The following SDSL variants were observed in gnomAD, a reference collection of about 807,000 sequenced individuals.
The protein encoded by SDSL is serine dehydratase like.
SDSL carries 26 observed loss-of-function variants against 27.6 expected under a neutral mutation model. The ratio of observed to expected loss-of-function variants is 0.94; its 90% CI spans 0.69 to 1.31. The LOEUF is 1.31. Ranked by LOEUF, SDSL falls within the 50% of genes most tolerant of loss-of-function variation. The probability of loss-of-function intolerance (pLI) is 0.00; values close to 1 mark genes in which losing one functional copy is unlikely to be tolerated. For synonymous variants in SDSL, 196 were observed against 180.6 expected, an observed-to-expected ratio of 1.09 and a Z score of -0.69; for missense variants, 431 against 423.5, an observed-to-expected ratio of 1.02 and a Z score of -0.16.
At chr12:113,437,800 C>A in intron 7 of SDSL, 86 bp from the exon 8 acceptor site, 1 of 1,220,588 alleles carries the variant, frequency 8.2e-7, no homozygotes, top group Non-Finnish European at 1.1e-6. Context: ...GAGATGGCTG[C>A]AAGGATCTGC....
chr12:113,435,650 C>A, intron 6 of SDSL, 94 bp downstream of exon 6: 1 of 1,046,378 alleles, frequency 9.6e-7, no homozygotes, highest in Non-Finnish European at 1.4e-6. Context: ...ACGGGGGCAC[C>A]CAAAAGGCTG....
At chr12:113,434,926 C>T (rs1192240514) in intron 5 of SDSL, among the ~76,000 whole-genome samples, 1 of 152,174 alleles carries the variant, frequency 6.6e-6, no homozygotes, top group East Asian at 1.9e-4. Context: ...GCCAACCTGG[C>T]CAACATGGCA....
chr12:113,432,269 T>TTTCTTTCTTTTTTTC (rs1565879182), intron 4 of SDSL, among the ~76,000 whole-genome samples: 16 of 142,276 alleles, frequency 1.1e-4, no homozygotes, highest in African/African-American at 3.8e-4. Context: ...TCTTTCTTTC[T>TTTCTTTCTTTTTTTC]TTCTTTCTTT....
chr12:113,435,285 G>C, intron 5 of SDSL, 44 bp from the exon 6 acceptor site: 1 of 1,375,586 alleles, frequency 7.3e-7, no homozygotes, highest in South Asian at 1.5e-5. Flanking sequence ...TCTGGGCTGG[G>C]GTCCTCCCTC....
At chr12:113,425,970 G>C in intron 1 of SDSL, 3 of 372,432 alleles carry the variant, frequency 8.1e-6, no homozygotes, top group South Asian at 5.9e-5. Flanking sequence ...GCCTGGGCAA[G>C]AGCGAGACTC....
chr12:113,428,519 C>A, intron 3 of SDSL, 60 bp downstream of exon 3: 2 of 1,485,900 alleles, frequency 1.3e-6, no homozygotes, highest in East Asian at 2.3e-5. Context: ...TAGGCTGGAG[C>A]GGCAGTACAC....
chr12:113,435,681 A>G, intron 6 of SDSL, 125 bp downstream of exon 6: 1 of 720,002 alleles, frequency 1.4e-6, no homozygotes, highest in Admixed American at 2.6e-5. Flanking sequence ...TGGGACTCCA[A>G]CCACAGTAAA....
rs548840415 is a variant in SDSL, at chr12:113,437,812, G to A, written c.797-74G>A. On this transcript the variant is annotated intron_variant, in intron 7 of 7. Transcript: ENST00000403593. ...GGAGAGATGGCTGCAAGGATCTGCC[G>A]TGCCCAGGGCCTGCTGAGCACCGAG... The A allele has an allele frequency of 1.7e-5, 23 of 1,353,930 alleles. No homozygotes were observed. In the East Asian group the frequency reaches 1.9e-4, roughly 11 times the overall value. 83.9% of individuals were successfully genotyped at this position (1,353,930 alleles called of 1,614,324 possible).
intron 3 of SDSL, 22 bp from the exon 4 acceptor site, chr12:113,429,138 C>A (rs1483980944): frequency 2.5e-6 from 4 of 1,604,320 alleles, no homozygotes; most frequent in Admixed American, 1.7e-5. Context: ...TGCCCACTGC[C>A]CCTTTCCTCC....
chr12:113,432,261 T>TTTCTTTTTTTC (rs1957936834), intron 4 of SDSL, among the ~76,000 whole-genome samples: 2 of 142,268 alleles, frequency 1.4e-5, no homozygotes, highest in African/African-American at 5.4e-5. Context: ...TCTTTCTTTC[T>TTTCTTTTTTTC]TTCTTTCTTT....
At chr12:113,425,539 A>T (rs1957836535) in intron 1 of SDSL, 1 of 389,544 alleles carries the variant, frequency 2.6e-6, no homozygotes, top group South Asian at 1.9e-5. Flanking sequence ...CCAATAATGG[A>T]ATGGTGGGGA....
At chr12:113,435,296 A>T in intron 5 of SDSL, 33 bp from the exon 6 acceptor site, 1 of 1,435,094 alleles carries the variant, frequency 7.0e-7, no homozygotes, top group Non-Finnish European at 9.3e-7. Flanking sequence ...GTCCTCCCTC[A>T]CTCTGCTTCT....
At chr12:113,434,342 A>G (rs1957965667) in intron 5 of SDSL, 120 bp downstream of exon 5, 1 of 725,502 alleles carries the variant, frequency 1.4e-6, no homozygotes, top group African/African-American at 1.8e-5. Context: ...CTTCAAAGCC[A>G]GGCAGACATG....
chr12:113,425,885 A>G (rs905760745), intron 1 of SDSL: 3 of 378,476 alleles, frequency 7.9e-6, no homozygotes, highest in Non-Finnish European at 1.6e-5. Flanking sequence ...GTTACTCGGG[A>G]GGCTGAGGCA....
intron 6 of SDSL, among the ~76,000 whole-genome samples, chr12:113,436,262 G>C (rs1242735171): frequency 6.6e-6 from 1 of 151,056 alleles, no homozygotes; most frequent in Non-Finnish European, 1.5e-5. Context: ...TTCCGAGTAA[G>C]ATCACATTTT....
intron 3 of SDSL, 35 bp from the exon 4 acceptor site, chr12:113,429,125 C>A (rs1322555958): frequency 6.3e-7 from 1 of 1,596,118 alleles, no homozygotes. Flanking sequence ...GGCCAATCAG[C>A]TCTGCCCACT....
intron 1 of SDSL, chr12:113,427,112 T>G (rs1957859407): frequency 6.6e-6 from 1 of 152,430 alleles, no homozygotes; most frequent in Non-Finnish European, 1.5e-5. Flanking sequence ...GGTTTTTGTT[T>G]GTTTGTTTGT....
intron 1 of SDSL, 25 bp from the exon 2 acceptor site, chr12:113,427,937 G>A (rs1470049315): frequency 1.3e-6 from 2 of 1,573,304 alleles, no homozygotes; most frequent in African/African-American, 1.3e-5. Flanking sequence ...GACTGCCTGG[G>A]TGGTGACTTT....
At position 113,435,353 on chromosome 12, in the gene SDSL, G is replaced by A. The variant is rs935035575; in HGVS notation, c.468G>A (p.Gln156=). 4 of 1,561,426 alleles carry A rather than the reference G, an allele frequency of 2.6e-6. No homozygotes were observed. Among genetic ancestry groups the A allele is most frequent in the Non-Finnish European group, 3.5e-6 (4 of 1,154,166 alleles). Reference sequence around the variant, plus strand: ...GGAAAGGCCACGCCAGCCTGGTGCAGGAGCTGAAAGCAGTGCTGAGGACCC... The same window carrying A: ...GGAAAGGCCACGCCAGCCTGGTGCAAGAGCTGAAAGCAGTGCTGAGGACCC... ...LIWKGHASLV[Q]ELKAVLRTPP... is the part of the protein sequence containing the mutation. Residue 156 remains glutamine (Q), a synonymous_variant, in exon 6 of 8, where the codon CAG becomes CAA. Coordinates refer to ENST00000403593, the MANE Select transcript of SDSL (RefSeq NM_001304993.2).
Sources: gnomAD v4.1 joint callset for allele counts (sites outside exome capture counted in the v4.1 genomes callset) on GRCh38, gnomAD v4.1.1 for gene constraint, MANE v1.5 for transcripts, NCBI Gene and HGNC (gene_info 2026-07-23, HGNC 2026-07-21) for gene names.